The following ATXN7L3 variants were observed in gnomAD, a reference collection of about 807,000 sequenced individuals.
ATXN7L3 encodes the protein ataxin-7-like protein 3.
ATXN7L3 carries 6 observed loss-of-function variants against 50.0 expected under a neutral mutation model. The observed-to-expected ratio is 0.12, with a 90% CI of 0.07 to 0.24. The LOEUF (loss-of-function observed/expected upper bound fraction) is 0.24. ATXN7L3 is among the 10% of genes least tolerant of loss of function. The pLI, the probability that ATXN7L3 is intolerant of heterozygous loss-of-function variation, is 1.00. For missense variants in ATXN7L3, 322 were observed against 451.3 expected (o/e 0.71, Z 2.60); for synonymous variants, 198 against 165.8 (o/e 1.19, Z -1.49).
In ATXN7L3 at chr17:44,198,073, G is replaced by A. The variant is rs765524294; in HGVS notation, c.-3C>T. 4 of 1,614,094 alleles carry A rather than the reference G, an allele frequency of 2.5e-6. No individual in the cohort carries two copies. In the African/African-American group the frequency reaches 4.0e-5, roughly 16 times the overall value. On this transcript the variant is annotated 5_prime_UTR_variant, in exon 2 of 13. Transcript: ENST00000587097. ...AAAGACATTTCCTCCATTTTCATTT[G>A]TAAACTCTTGTGGAGACGGCGCTCT...
intron 8 of ATXN7L3, 37 bp downstream of exon 8, chr17:44,195,763 A>G (rs1191398443): frequency 6.4e-7 from 1 of 1,571,182 alleles, no homozygotes. Flanking sequence ...CACAACCAGG[A>G]CAATGAGAGC....
In ATXN7L3 at chr17:44,198,128, C is replaced by A. The variant is rs2055989079; in HGVS notation, c.-58G>T. 1 of 1,550,344 alleles carries A rather than the reference C, an allele frequency of 6.5e-7. No individual in the cohort carries two copies. Among genetic ancestry groups the A allele is most frequent in the Non-Finnish European group, 8.9e-7 (1 of 1,125,904 alleles). On this transcript the variant is annotated splice_region_variant and 5_prime_UTR_variant, in exon 2 of 13. Transcript: ENST00000587097. ...GCTCATAGCACAGCGGGCGGCAACACGGCTGCACACACGGGGGTGGGGGTG... is the reference window on the plus strand; with the variant it reads ...GCTCATAGCACAGCGGGCGGCAACAAGGCTGCACACACGGGGGTGGGGGTG...
At position 44,193,107 on chromosome 17, in the gene ATXN7L3, GCA is replaced by G. The variant is rs996581925; in HGVS notation, c.*1154_*1155del. On this transcript the variant is annotated 3_prime_UTR_variant, in exon 13 of 13. Coordinates refer to ENST00000587097, the MANE Select transcript of ATXN7L3 (RefSeq NM_001382309.1). The stretch of plus-strand genomic sequence containing the variant: ...CCTTCCCCTCCACTGACAACCTGGG[GCA>G]CAGAGGCCACCCTCTCTTCCCACCC... The G allele has an allele frequency of 3.9e-5, 6 of 152,294 alleles. No individual in the cohort carries two copies. Among genetic ancestry groups the G allele is most frequent in the South Asian group, 4.1e-4 (2 of 4,838 alleles). The allele number at this position is 152,294 out of a possible 1,614,324, so 9.4% of individuals were successfully genotyped here. A position where few individuals can be genotyped will look rare whatever the true frequency, so the allele number is the denominator to read the frequency against.
chr17:44,195,776 G>C (rs769256092), intron 8 of ATXN7L3, 24 bp downstream of exon 8: 1 of 1,588,464 alleles, frequency 6.3e-7, no homozygotes, highest in Admixed American at 1.7e-5. Flanking sequence ...ATGAGAGCAA[G>C]CATGAGGGGC....
At chr17:44,195,349 C>T (rs1052266275) in intron 9 of ATXN7L3, 70 bp downstream of exon 9, 1 of 1,516,576 alleles carries the variant, frequency 6.6e-7, no homozygotes, top group Non-Finnish European at 9.2e-7. Flanking sequence ...AGCTTCCTCC[C>T]AGGCCTTGAC....
In ATXN7L3 at chr17:44,193,668, G is replaced by A. The variant is rs1425962082; in HGVS notation, c.*595C>T. ...AAAGGGCTGCCCCTGTGAGGGGCAG[G>A]GAAGGTGGCGGCAGTTCTGGACGCC... On this transcript the variant is annotated 3_prime_UTR_variant, in exon 13 of 13. Transcript: ENST00000587097. The A allele has an allele frequency of 1.3e-5, 2 of 152,658 alleles. No individual in the cohort carries two copies. The highest frequency in any genetic ancestry group is 6.5e-5 in the Admixed American group (1 of 15,308). 9.5% of individuals were successfully genotyped at this position (152,658 alleles called of 1,614,324 possible).
chr17:44,197,709 C>A lies in ATXN7L3; in HGVS notation c.73G>T (p.Ala25Ser), dbSNP rs1156490894. Residue 25 changes from alanine (A) to serine (S), a missense_variant, in exon 3 of 13, where the codon GCG becomes TCG. By Grantham distance (99) the Ala-to-Ser change is moderately conservative (BLOSUM62 1). Coordinates refer to ENST00000587097, the MANE Select transcript of ATXN7L3 (RefSeq NM_001382309.1). ...AAACAAGAATCCTCGACCAGGTCCG[C>A]GTATATCTCCTGAGCGATGGCCTGG... ...KLEAIAQEIY[A>S]DLVEDSCLGF... The A allele has an allele frequency of 1.9e-6, 3 of 1,614,240 alleles. No individual in the cohort carries two copies. The highest frequency in any genetic ancestry group is 1.3e-5 in the African/African-American group (1 of 75,056).
Position 44,195,403 on chromosome 17 carries a change from G to C in ATXN7L3, c.621+16C>G, listed in dbSNP as rs2055846420. The C allele has an allele frequency of 6.2e-7, 1 of 1,612,430 alleles. No individual in the cohort carries two copies. The highest frequency in any genetic ancestry group is 1.3e-5 in the African/African-American group (1 of 74,836). ...CCCACTCCCAGGGACCTTCTCTCTT[G>C]CTGGTCCTCCCTCACCGTGGTTAGC... is the stretch of plus-strand genomic sequence containing the variant. On this transcript the variant is annotated intron_variant, in intron 9 of 12. Transcript: ENST00000587097.
chr17:44,197,187 T>C (rs758710793), intron 4 of ATXN7L3, 41 bp downstream of exon 4: 2 of 1,574,460 alleles, frequency 1.3e-6, no homozygotes, highest in Non-Finnish European at 1.7e-6. Context: ...GACTACACCA[T>C]GGCACAGGCT....
chr17:44,197,989 G>T lies in ATXN7L3; in HGVS notation c.51+31C>A. ...AGCGACGTAGAGACATCAAGAGAAA[G>T]AACTGGAGGCACACGTGGGGGAGCC... On this transcript the variant is annotated intron_variant, in intron 2 of 12. Transcript: ENST00000587097. The T allele has an allele frequency of 2.5e-6, 4 of 1,607,372 alleles. 1 individual carries two copies. In the South Asian group the frequency reaches 3.3e-5, roughly 13 times the overall value.
rs537805889 is a variant in ATXN7L3, at chr17:44,193,268, G to C, written c.*995C>G. ...GCTTTGGAGGCAGGAGCGCTGAGAG[G>C]AACTGAAGCCAGTCAAGGTGAAGGG... is the stretch of plus-strand genomic sequence containing the variant. On this transcript the variant is annotated 3_prime_UTR_variant, in exon 13 of 13. Transcript: ENST00000587097. The C allele has an allele frequency of 2.6e-5, 4 of 152,574 alleles. No individual in the cohort carries two copies. Among genetic ancestry groups the C allele is most frequent in the Non-Finnish European group, 5.9e-5 (4 of 68,206 alleles). 9.5% of individuals were successfully genotyped at this position (152,574 alleles called of 1,614,324 possible).
At chr17:44,199,372 G>T (rs1339473023) in intron 1 of ATXN7L3, 124 bp downstream of exon 1, 2 of 150,770 alleles carry the variant, frequency 1.3e-5, no homozygotes, top group Non-Finnish European at 3.0e-5. Flanking sequence ...GTCGGCCCGG[G>T]GGGAGGGGAA....
rs1420090280 is a variant in ATXN7L3 at position 44,193,495 on chromosome 17, G to A, written c.*768C>T. 1 of 152,730 alleles carries A rather than the reference G, an allele frequency of 6.5e-6. No individual in the cohort carries two copies. Among genetic ancestry groups the A allele is most frequent in the Non-Finnish European group, 1.5e-5 (1 of 68,140 alleles). 9.5% of individuals were successfully genotyped at this position (152,730 alleles called of 1,614,324 possible). ...CTCCTCACCAGCCCTGGGTCAGGGA[G>A]GAGAGGCAGGGGGAGGAATTCTGAC... On this transcript the variant is annotated 3_prime_UTR_variant, in exon 13 of 13. Transcript: ENST00000587097.
In ATXN7L3 at chr17:44,197,029, G is replaced by A. The variant is rs758137110; in HGVS notation, c.357-3C>T. ...TCATATTGTTGCTATTGGCAATCCT[G>A]CCAAGGGGAGGGAAGAGAAAGGGGC... On this transcript the variant is annotated splice_region_variant and splice_polypyrimidine_tract_variant and intron_variant, in intron 4 of 12. Coordinates refer to ENST00000587097, the MANE Select transcript of ATXN7L3 (RefSeq NM_001382309.1). 4.4e-6 allele frequency: 7 copies of A among 1,608,240 alleles called. No individual in the cohort carries two copies. In the South Asian group the frequency reaches 5.5e-5, roughly 13 times the overall value.
rs561251707 is a variant in ATXN7L3, at chr17:44,192,879, G to C, written c.*1384C>G. ...CTCTTGGGAAGAGGGTAGGGGACAT[G>C]TCCAGCAAGTGCCAGAGAACTTGGC... On this transcript the variant is annotated 3_prime_UTR_variant, in exon 13 of 13. Coordinates refer to ENST00000587097, the MANE Select transcript of ATXN7L3 (RefSeq NM_001382309.1). The C allele has an allele frequency of 8.5e-5, 13 of 152,424 alleles. No individual in the cohort carries two copies. Among genetic ancestry groups the C allele is most frequent in the African/African-American group, 2.9e-4 (12 of 41,568 alleles). The allele number at this position is 152,424 out of a possible 1,614,324, so 9.4% of individuals were successfully genotyped here.
Position 44,194,566 on chromosome 17 carries a change from G to A in ATXN7L3, c.846C>T (p.Pro282=). 6.2e-7 allele frequency: 1 copy of A among 1,613,858 alleles called. No homozygotes were observed. Among genetic ancestry groups the A allele is most frequent in the Non-Finnish European group, 8.5e-7 (1 of 1,179,986 alleles). The change falls in exon 12 of 13, where the codon CCC becomes CCT. Residue 282 remains proline, a synonymous_variant. Coordinates refer to ENST00000587097, the MANE Select transcript of ATXN7L3 (RefSeq NM_001382309.1). ...LQWDGSSDLS[P]SDSGSSKTSE... is the part of the protein sequence containing the mutation. ...TCGTCTTGGAGGAGCCTGAATCAGA[G>A]GGTGAGAGGTCAGAGGAGCCGTCCC...
At position 44,194,259 on chromosome 17, in the gene ATXN7L3, C is replaced by G; in HGVS notation, c.*4G>C. 6.2e-7 allele frequency: 1 copy of G among 1,614,014 alleles called. No individual in the cohort carries two copies. Among genetic ancestry groups the G allele is most frequent in the South Asian group, 1.1e-5 (1 of 91,070 alleles). ...TCAGCCAAAGGCTATCCCTTGCACC[C>G]AAGTCAGTTGATGTCATCATAGATG... On this transcript the variant is annotated 3_prime_UTR_variant, in exon 13 of 13. Coordinates refer to ENST00000587097, the MANE Select transcript of ATXN7L3 (RefSeq NM_001382309.1).
At position 44,196,022 on chromosome 17, in the gene ATXN7L3, G is replaced by A. The variant is rs748544030; in HGVS notation, c.523+12C>T. The stretch of plus-strand genomic sequence containing the variant: ...CAGCTAGAAGCATTCCCATTGCTCC[G>A]GCTCCACTTACCATTTTTGTGTTTT... On this transcript the variant is annotated intron_variant, in intron 7 of 12. Coordinates refer to ENST00000587097, the MANE Select transcript of ATXN7L3 (RefSeq NM_001382309.1). 6.8e-6 allele frequency: 11 copies of A among 1,608,064 alleles called. No homozygotes were observed. The East Asian group carries it at 1.1e-4, about 16-fold the overall frequency.
intron 2 of ATXN7L3, 119 bp downstream of exon 2, chr17:44,197,901 G>A (rs2055977406): frequency 6.6e-7 from 1 of 1,509,408 alleles, no homozygotes. Flanking sequence ...TTTTCAGCTG[G>A]CTATTCCCTT....
Sources: allele counts gnomAD v4.1 joint callset, GRCh38; gene constraint gnomAD v4.1.1; transcripts MANE v1.5; gene names NCBI Gene and HGNC (gene_info 2026-07-23, HGNC 2026-07-21).